CEP112: variants seen among roughly 807,000 people sequenced by gnomAD.
The protein encoded by CEP112 is centrosomal protein of 112 kDa.
Under a neutral mutation model 153.0 loss-of-function variants are expected in CEP112, and 127 were observed. The observed-to-expected ratio is 0.83, with a 90% CI of 0.72 to 0.96. The LOEUF (loss-of-function observed/expected upper bound fraction) is 0.96, where lower values mean the gene tolerates loss of function less well. Ranked by LOEUF, CEP112 falls within the 40% of genes least tolerant of loss-of-function variation. The pLI, the probability that CEP112 is intolerant of heterozygous loss-of-function variation, is 0.00. For synonymous variants in CEP112, 358 were observed against 374.4 expected (o/e 0.96, Z 0.51); for missense variants, 1,089 against 1,101.2 (o/e 0.99, Z 0.16).
intron 22 of CEP112, among the ~76,000 whole-genome samples, chr17:65,748,089 A>G (rs2051585158): frequency 6.6e-6 from 1 of 152,178 alleles, no homozygotes; most frequent in South Asian, 2.1e-4. Context: ...TTGTTTTATA[A>G]TGCTCATTTT....
intron 8 of CEP112, among the ~76,000 whole-genome samples, chr17:66,082,375 T>C (rs2067756482): frequency 6.6e-6 from 1 of 152,208 alleles, no homozygotes; most frequent in African/African-American, 2.4e-5. Context: ...AGGCTAAAGT[T>C]AAAATAAAGG....
chr17:66,164,642 C>T (rs1489072463), intron 4 of CEP112, among the ~76,000 whole-genome samples: 3 of 149,750 alleles, frequency 2.0e-5, no homozygotes, highest in Non-Finnish European at 4.4e-5. Flanking sequence ...TGGATCACAA[C>T]GTCAGGCATT....
chr17:65,869,146 T>G (rs2058571487), intron 20 of CEP112, among the ~76,000 whole-genome samples: 1 of 152,246 alleles, frequency 6.6e-6, no homozygotes, highest in Non-Finnish European at 1.5e-5. Flanking sequence ...CTTTCTTCAC[T>G]AATATTGTCT....
At chr17:65,773,155 GGAGT>G (rs1395361839) in intron 21 of CEP112, among the ~76,000 whole-genome samples, 20 of 152,320 alleles carry the variant, frequency 1.3e-4, no homozygotes, top group African/African-American at 4.6e-4. Flanking sequence ...TCAGATGACA[GGAGT>G]GACGTGCAAA....
chr17:65,732,330 A>T (rs2050558141), intron 23 of CEP112, among the ~76,000 whole-genome samples: 1 of 152,158 alleles, frequency 6.6e-6, no homozygotes, highest in South Asian at 2.1e-4. Flanking sequence ...GCAGACTTAA[A>T]ATATTCAGGA....
At chr17:65,974,463 CT>C (rs201674620) in intron 17 of CEP112, among the ~76,000 whole-genome samples, 1 of 152,270 alleles carries the variant, frequency 6.6e-6, no homozygotes, top group East Asian at 1.9e-4. Context: ...CATAACAATA[CT>C]ATATACATGT....
intron 23 of CEP112, among the ~76,000 whole-genome samples, chr17:65,718,770 T>A (rs1342673904): frequency 2.6e-5 from 4 of 152,216 alleles, no homozygotes; most frequent in Non-Finnish European, 5.9e-5. Context: ...CTAGATAGTT[T>A]AGGGACTGAC....
At chr17:65,999,375 G>A (rs989940554) in intron 17 of CEP112, among the ~76,000 whole-genome samples, 6 of 151,756 alleles carry the variant, frequency 4.0e-5, no homozygotes, top group African/African-American at 1.2e-4. Flanking sequence ...CTAATTTTTT[G>A]TATTTTTAGT....
intron 21 of CEP112, among the ~76,000 whole-genome samples, chr17:65,844,787 G>A (rs2057663292): frequency 6.6e-6 from 1 of 152,090 alleles, no homozygotes; most frequent in South Asian, 2.1e-4. Context: ...AGGTCGAGGT[G>A]GGCGGATCAC....
intron 16 of CEP112, among the ~76,000 whole-genome samples, chr17:66,014,414 A>G (rs1156902223): frequency 6.6e-6 from 1 of 152,170 alleles, no homozygotes; most frequent in Non-Finnish European, 1.5e-5. Context: ...GACTGGCCCC[A>G]TCTGCTCTGT....
chr17:65,648,714 C>T (rs537002686), intron 24 of CEP112, among the ~76,000 whole-genome samples: 59 of 152,082 alleles, frequency 3.9e-4, no homozygotes, highest in African/African-American at 1.4e-3. Context: ...TTAAAAATAG[C>T]GAAGGGAGAA....
At chr17:65,639,781 A>G (rs1021351491) in intron 25 of CEP112, among the ~76,000 whole-genome samples, 2 of 151,586 alleles carry the variant, frequency 1.3e-5, no homozygotes, top group African/African-American at 4.8e-5. Context: ...AACATGTTAG[A>G]AGTTTTTCTC....
chr17:66,111,245 T>C (rs1024781308), intron 6 of CEP112, among the ~76,000 whole-genome samples: 1 of 152,196 alleles, frequency 6.6e-6, no homozygotes, highest in Non-Finnish European at 1.5e-5. Flanking sequence ...AGAACACTTA[T>C]ACGCTGTTGA....
intron 21 of CEP112, among the ~76,000 whole-genome samples, chr17:65,791,560 T>C (rs953549765): frequency 2.6e-5 from 4 of 152,214 alleles, no homozygotes; most frequent in Non-Finnish European, 4.4e-5. Context: ...CTAGTTTCTA[T>C]GAAAACTTTT....
chr17:65,773,964 G>A (rs910808103), intron 21 of CEP112, among the ~76,000 whole-genome samples: 1 of 151,908 alleles, frequency 6.6e-6, no homozygotes, highest in Non-Finnish European at 1.5e-5. Flanking sequence ...GCACACGCCT[G>A]TAATCCCAGC....
chr17:65,697,450 T>A (rs1327032554), intron 23 of CEP112, among the ~76,000 whole-genome samples: 1 of 152,236 alleles, frequency 6.6e-6, no homozygotes, highest in Non-Finnish European at 1.5e-5. Context: ...AATGTTTTTC[T>A]TTCTACTACT....
chr17:65,744,524 C>T lies in CEP112; in HGVS notation c.2458-1307G>A, dbSNP rs376076390. Among the ~76,000 whole-genome samples, 36 of 152,316 alleles carry T rather than the reference C, an allele frequency of 2.4e-4. No homozygotes were observed. The East Asian group carries it at 5.8e-3, about 24-fold the overall frequency. On this transcript the variant is annotated intron_variant, in intron 22 of 26. Transcript: ENST00000535342. ...CCTCCCAAAGTGCTGGGATTACAGG[C>T]GTGAGCCACCATGCTTGGCCACTCC...
intron 18 of CEP112, among the ~76,000 whole-genome samples, chr17:65,947,456 A>G (rs774081577): frequency 6.6e-6 from 1 of 152,108 alleles, no homozygotes. Context: ...AAAAATAACA[A>G]TGTTACTATT....
chr17:66,027,583 T>A, intron 15 of CEP112, 23 bp from the exon 16 acceptor site: 1 of 1,216,198 alleles, frequency 8.2e-7, no homozygotes, highest in Non-Finnish European at 1.1e-6. Context: ...AATGTTTATA[T>A]TTATTATACT....
Sources: gnomAD v4.1 joint callset for allele counts (sites outside exome capture counted in the v4.1 genomes callset) on GRCh38, gnomAD v4.1.1 for gene constraint, MANE v1.5 for transcripts, NCBI Gene and HGNC (gene_info 2026-07-23, HGNC 2026-07-21) for gene names.